DNAH9: variants seen among roughly 807,000 people sequenced by gnomAD.
The protein encoded by DNAH9 is dynein axonemal heavy chain 9, also known as DNAH9 variant protein.
Under a neutral mutation model 471.6 loss-of-function variants are expected in DNAH9, and 345 were observed. The observed-to-expected ratio is 0.73, with a 90% confidence interval of 0.67 to 0.80. The LOEUF (loss-of-function observed/expected upper bound fraction) is 0.80. Ranked by LOEUF, DNAH9 falls within the 30% of genes least tolerant of loss-of-function variation. The pLI, the probability that DNAH9 is intolerant of heterozygous loss-of-function variation, is 0.00. For missense variants in DNAH9, 5,407 were observed against 5,609.2 expected (o/e 0.96, Z 1.15); for synonymous variants, 2,093 against 2,123.6 (o/e 0.99, Z 0.40).
At chr17:11,834,427 A>G (rs927253109) in intron 48 of DNAH9, among the ~76,000 whole-genome samples, 2 of 152,000 alleles carry the variant, frequency 1.3e-5, no homozygotes, top group Non-Finnish European at 2.9e-5. Context: ...TGGTGGAGAG[A>G]GGACATCAAG....
At chr17:11,722,227 G>T (rs207476292) in intron 27 of DNAH9, among the ~76,000 whole-genome samples, 1 of 152,156 alleles carries the variant, frequency 6.6e-6, no homozygotes, top group Non-Finnish European at 1.5e-5. Context: ...GCGGAACAAG[G>T]GCTAAGCTAC....
At chr17:11,927,381 T>C (rs1974367566) in intron 62 of DNAH9, among the ~76,000 whole-genome samples, 1 of 152,252 alleles carries the variant, frequency 6.6e-6, no homozygotes, top group Non-Finnish European at 1.5e-5. Context: ...AGGGTTCTTA[T>C]AGTTTTGGAT....
chr17:11,881,436 G>T (rs368361785), intron 55 of DNAH9, 23 bp downstream of exon 55: 21 of 1,601,098 alleles, frequency 1.3e-5, no homozygotes, highest in East Asian at 4.5e-5. Context: ...GGGAGAAAAT[G>T]TTCTGCCACT....
At chr17:11,900,557 A>G (rs1018535113) in intron 59 of DNAH9, among the ~76,000 whole-genome samples, 1 of 149,706 alleles carries the variant, frequency 6.7e-6, no homozygotes, top group African/African-American at 2.4e-5. Flanking sequence ...TCTGCCCAGC[A>G]GAATTCTACA....
At chr17:11,634,027 A>G (rs1296197613) in intron 8 of DNAH9, among the ~76,000 whole-genome samples, 1 of 152,186 alleles carries the variant, frequency 6.6e-6, no homozygotes, top group Non-Finnish European at 1.5e-5. Context: ...GGGTTCCAGA[A>G]TTCCAATCCT....
intron 39 of DNAH9, among the ~76,000 whole-genome samples, chr17:11,782,270 C>T (rs184484978): frequency 6.6e-6 from 1 of 152,320 alleles, no homozygotes; most frequent in East Asian, 1.9e-4. Context: ...TTCATGGTCA[C>T]AAACCTTAAA....
intron 28 of DNAH9, among the ~76,000 whole-genome samples, chr17:11,737,926 T>C (rs1198888672): frequency 1.3e-5 from 2 of 152,218 alleles, no homozygotes; most frequent in Non-Finnish European, 2.9e-5. Context: ...GTATCCCTCA[T>C]GTTAGCTGGT....
intron 43 of DNAH9, among the ~76,000 whole-genome samples, chr17:11,801,849 A>G (rs1223357410): frequency 6.6e-6 from 1 of 152,170 alleles, no homozygotes; most frequent in Non-Finnish European, 1.5e-5. Flanking sequence ...GATTCCATCA[A>G]TGTGGCTTCC....
At position 11,680,866 on chromosome 17, in the gene DNAH9, A is replaced by G. The variant is rs2074121909; in HGVS notation, c.3720A>G (p.Gln1240=). The G allele has an allele frequency of 1.9e-6, 3 of 1,612,656 alleles. No homozygotes were observed. The highest frequency in any genetic ancestry group is 3.3e-5 in the Admixed American group (2 of 59,878). Residue 1240 remains glutamine, a synonymous_variant, in exon 19 of 69, where the codon CAA becomes CAG. Transcript: ENST00000262442. ...FDAEQQQFWE[Q]FHKEAPFRFD... ...CAGAACAGCAGCAATTCTGGGAGCA[A>G]TTCCACAAAGAAGCCCCGTTCAGGT... is the stretch of plus-strand genomic sequence containing the variant.
At chr17:11,923,380 C>T (rs1974204566) in intron 61 of DNAH9, among the ~76,000 whole-genome samples, 1 of 152,014 alleles carries the variant, frequency 6.6e-6, no homozygotes, top group African/African-American at 2.4e-5. Context: ...GGCGCAATCT[C>T]GGCTCATTGC....
chr17:11,681,323 TTCAGGGGGTTTC>T (rs2150742395), intron 19 of DNAH9, among the ~76,000 whole-genome samples: 1 of 152,342 alleles, frequency 6.6e-6, no homozygotes, highest in African/African-American at 2.4e-5. Context: ...GAAGGTTTTC[TTCAGGGGGTTTC>T]TCTCTGCTTG....
At chr17:11,935,363 A>G (rs951046868) in intron 65 of DNAH9, among the ~76,000 whole-genome samples, 1 of 140,778 alleles carries the variant, frequency 7.1e-6, no homozygotes, top group Non-Finnish European at 1.5e-5. Context: ...CATGGAAAAC[A>G]TTCCAAAAGA....
Position 11,920,489 on chromosome 17 carries a change from C to T in DNAH9, c.11750-3325C>T, listed in dbSNP as rs1236894781. Among the ~76,000 whole-genome samples, 71 of 151,240 alleles carry T rather than the reference C, an allele frequency of 4.7e-4. 1 individual carries two copies. Among genetic ancestry groups the T allele is most frequent in the Non-Finnish European group, 7.5e-4 (51 of 67,798 alleles). On this transcript the variant is annotated intron_variant, in intron 61 of 68. Coordinates refer to ENST00000262442, the MANE Select transcript of DNAH9 (RefSeq NM_001372.4). The stretch of plus-strand genomic sequence containing the variant: ...TACACAAATTAGCTGGGCATGGTGG[C>T]GTGTGCCTGTAGTCTCAGCTACTCG...
At chr17:11,750,285 T>G (rs1967094704) in intron 32 of DNAH9, among the ~76,000 whole-genome samples, 2 of 152,098 alleles carry the variant, frequency 1.3e-5, no homozygotes, top group Admixed American at 1.3e-4. Flanking sequence ...AAAAAAAATT[T>G]TTTGGATAAC....
intron 33 of DNAH9, among the ~76,000 whole-genome samples, chr17:11,755,818 A>T (rs895320188): frequency 1.3e-5 from 2 of 152,224 alleles, no homozygotes; most frequent in African/African-American, 2.4e-5. Context: ...CACACTGCTG[A>T]TAAAGACATA....
At chr17:11,608,366 G>T (rs2072555076) in intron 2 of DNAH9, 41 bp downstream of exon 2, 1 of 1,413,058 alleles carries the variant, frequency 7.1e-7, no homozygotes, top group Non-Finnish European at 9.7e-7. Flanking sequence ...TCTGAGATAT[G>T]GGAGATGCTG....
At chr17:11,612,672 T>A (rs1184272046) in intron 4 of DNAH9, 1 of 152,124 alleles carries the variant, frequency 6.6e-6, no homozygotes, top group Non-Finnish European at 1.5e-5. Flanking sequence ...GTAGGTAAAT[T>A]TTTTTAGGAC....
In DNAH9 at chr17:11,934,084, T is replaced by C; in HGVS notation, c.12489+13T>C. 6.2e-7 allele frequency: 1 copy of C among 1,607,614 alleles called. No homozygotes were observed. Among genetic ancestry groups the C allele is most frequent in the Non-Finnish European group, 8.5e-7 (1 of 1,175,992 alleles). On this transcript the variant is annotated intron_variant, in intron 65 of 68. Coordinates refer to ENST00000262442, the MANE Select transcript of DNAH9 (RefSeq NM_001372.4). ...TGGTTATCATCAGGTGAGACTCTGC[T>C]CTGTGCTTCTGATGTCGTGAGGGTG...
intron 22 of DNAH9, among the ~76,000 whole-genome samples, chr17:11,696,164 T>A (rs1354999071): frequency 6.6e-6 from 1 of 152,192 alleles, no homozygotes; most frequent in Non-Finnish European, 1.5e-5. Context: ...AATAAGCAAA[T>A]GCACATTTAC....
Sources: gnomAD v4.1 joint callset for allele counts (sites outside exome capture counted in the v4.1 genomes callset) on GRCh38, gnomAD v4.1.1 for gene constraint, MANE v1.5 for transcripts, NCBI Gene and HGNC (gene_info 2026-07-23, HGNC 2026-07-21) for gene names.